Variants in CDKAL1 observed in about 807,000 individuals in gnomAD.
The protein encoded by CDKAL1 is CDKAL1 threonylcarbamoyladenosine tRNA methylthiotransferase.
In CDKAL1, 32 loss-of-function variants were observed where a neutral mutation model predicts 68.2. The ratio of observed to expected loss-of-function variants is 0.47; its 90% CI spans 0.35 to 0.63. The LOEUF (loss-of-function observed/expected upper bound fraction) is 0.63. CDKAL1 is among the 30% of genes least tolerant of loss of function. The probability of loss-of-function intolerance (pLI) is 0.00; values close to 1 mark genes in which losing one functional copy is unlikely to be tolerated. For synonymous variants in CDKAL1, 234 were observed against 244.3 expected, an observed-to-expected ratio of 0.96 and a Z score of 0.39; for missense variants, 606 against 696.7, an observed-to-expected ratio of 0.87 and a Z score of 1.47.
intron 5 of CDKAL1, among the ~76,000 whole-genome samples, chr6:20,683,159 T>C (rs1204795302): frequency 6.6e-6 from 1 of 152,158 alleles, no homozygotes; most frequent in Admixed American, 6.5e-5. Flanking sequence ...TAGGTACTTT[T>C]ATATACTTTG....
intron 4 of CDKAL1, among the ~76,000 whole-genome samples, chr6:20,583,550 G>A (rs993565377): frequency 2.0e-5 from 3 of 151,938 alleles, no homozygotes; most frequent in Admixed American, 2.0e-4. Flanking sequence ...ATAATCTACG[G>A]AACAAAAACA....
chr6:20,790,122 A>G (rs1445270466), intron 8 of CDKAL1, among the ~76,000 whole-genome samples: 1 of 152,200 alleles, frequency 6.6e-6, no homozygotes, highest in African/African-American at 2.4e-5. Flanking sequence ...AAACAAATGT[A>G]GTTGAACATA....
At chr6:21,076,627 A>G (rs1349399885) in intron 12 of CDKAL1, among the ~76,000 whole-genome samples, 2 of 152,248 alleles carry the variant, frequency 1.3e-5, no homozygotes, top group African/African-American at 4.8e-5. Flanking sequence ...TGGAGGAAAG[A>G]GAAAAAATAT....
At chr6:21,107,949 G>A (rs775740990) in intron 12 of CDKAL1, among the ~76,000 whole-genome samples, 1 of 152,168 alleles carries the variant, frequency 6.6e-6, no homozygotes, top group Non-Finnish European at 1.5e-5. Flanking sequence ...CCAGCAGACA[G>A]ACCCAAGCTG....
chr6:20,542,016 C>T (rs1293767818), intron 2 of CDKAL1, among the ~76,000 whole-genome samples: 1 of 152,188 alleles, frequency 6.6e-6, no homozygotes, highest in Non-Finnish European at 1.5e-5. Context: ...CCAGCCAATC[C>T]TTGATGGATT....
chr6:21,072,845 C>G (rs1771866321), intron 12 of CDKAL1, among the ~76,000 whole-genome samples: 1 of 152,118 alleles, frequency 6.6e-6, no homozygotes, highest in Admixed American at 6.5e-5. Flanking sequence ...CATTTTCACC[C>G]AAAGTCCATA....
intron 5 of CDKAL1, among the ~76,000 whole-genome samples, chr6:20,723,409 C>T (rs1344037885): frequency 1.3e-5 from 2 of 152,258 alleles, no homozygotes; most frequent in Non-Finnish European, 2.9e-5. Context: ...GGGCCCTGCG[C>T]GGAGCTTGCT....
intron 9 of CDKAL1, among the ~76,000 whole-genome samples, chr6:20,847,277 T>A (rs1278016993): frequency 6.6e-6 from 1 of 152,196 alleles, no homozygotes. Context: ...CAGATTATTG[T>A]CTAATCTAAG....
At chr6:20,846,265 C>T (rs1050015595) in intron 9 of CDKAL1, 87 bp downstream of exon 9, 4 of 724,952 alleles carry the variant, frequency 5.5e-6, no homozygotes, top group Non-Finnish European at 9.1e-6. Context: ...TAGAGACCAA[C>T]TTCTTTAGTT....
chr6:20,850,640 G>A (rs899684189), intron 9 of CDKAL1, among the ~76,000 whole-genome samples: 1 of 152,002 alleles, frequency 6.6e-6, no homozygotes, highest in Admixed American at 6.6e-5. Context: ...GTTTTGCCAT[G>A]TTTCCCAGGC....
intron 13 of CDKAL1, among the ~76,000 whole-genome samples, chr6:21,192,308 A>T (rs965070286): frequency 2.6e-5 from 4 of 151,996 alleles, no homozygotes; most frequent in Non-Finnish European, 5.9e-5. Context: ...GGCGTGAGCC[A>T]CCGCGCCCGG....
At chr6:20,787,401 T>G (rs1342553266) in intron 8 of CDKAL1, among the ~76,000 whole-genome samples, 1 of 152,212 alleles carries the variant, frequency 6.6e-6, no homozygotes, top group Non-Finnish European at 1.5e-5. Flanking sequence ...AATATTTGAA[T>G]GGATATTTCA....
chr6:20,739,482 C>A, intron 5 of CDKAL1, 37 bp from the exon 6 acceptor site: 1 of 1,336,674 alleles, frequency 7.5e-7, no homozygotes, highest in Non-Finnish European at 1.1e-6. Context: ...TACCCATGAG[C>A]AAAGGAATTC....
intron 13 of CDKAL1, among the ~76,000 whole-genome samples, chr6:21,171,095 T>A (rs1777366849): frequency 6.6e-6 from 1 of 152,170 alleles, no homozygotes; most frequent in Non-Finnish European, 1.5e-5. Context: ...AATAAAAAAA[T>A]AATTAATCAC....
chr6:20,630,211 G>T (rs1345852537), intron 4 of CDKAL1, among the ~76,000 whole-genome samples: 1 of 152,040 alleles, frequency 6.6e-6, no homozygotes, highest in Non-Finnish European at 1.5e-5. Context: ...GCCCCTCTTT[G>T]TGGCCAGCCC....
intron 4 of CDKAL1, among the ~76,000 whole-genome samples, chr6:20,636,348 A>G (rs991002770): frequency 7.2e-5 from 11 of 151,994 alleles, no homozygotes; most frequent in Non-Finnish European, 1.5e-5. Context: ...ATGTAACCAC[A>G]TTTCTCTGTT....
chr6:21,170,273 G>C (rs1297246328), intron 13 of CDKAL1, among the ~76,000 whole-genome samples: 1 of 152,162 alleles, frequency 6.6e-6, no homozygotes, highest in Non-Finnish European at 1.5e-5. Flanking sequence ...AATAACATAA[G>C]TAGTTTTATT....
At chr6:21,154,328 C>T (rs1263567668) in intron 13 of CDKAL1, among the ~76,000 whole-genome samples, 1 of 152,134 alleles carries the variant, frequency 6.6e-6, no homozygotes, top group East Asian at 1.9e-4. Flanking sequence ...ACAAAGTTGG[C>T]CCAGTACCCC....
At chr6:20,929,595 C>A (rs1490392361) in intron 9 of CDKAL1, among the ~76,000 whole-genome samples, 5 of 152,182 alleles carry the variant, frequency 3.3e-5, no homozygotes, top group Non-Finnish European at 7.4e-5. Context: ...CCTTTTTTAA[C>A]GTTCAAAAGT....
Sources: allele counts gnomAD v4.1 joint callset (sites outside exome capture counted in the v4.1 genomes callset), GRCh38; gene constraint gnomAD v4.1.1; transcripts MANE v1.5; gene names NCBI Gene and HGNC (gene_info 2026-07-23, HGNC 2026-07-21).